CASD1: variants seen among roughly 807,000 people sequenced by gnomAD.
The protein encoded by CASD1 is CAS1 domain sialic acid O acetyltransferase 1, also known as N-acetylneuraminate (7)9-O-acetyltransferase.
CASD1 carries 41 observed loss-of-function variants against 100.0 expected under a neutral mutation model. The ratio of observed to expected loss-of-function variants is 0.41; its 90% CI spans 0.32 to 0.53. CASD1 has a LOEUF of 0.53. Ranked by LOEUF, CASD1 falls within the 20% of genes least tolerant of loss-of-function variation. The pLI, the probability that CASD1 is intolerant of heterozygous loss-of-function variation, is 0.25. For synonymous variants in CASD1, 321 were observed against 315.6 expected, an observed-to-expected ratio of 1.02 and a Z score of -0.18; for missense variants, 774 against 948.7, an observed-to-expected ratio of 0.82 and a Z score of 2.42.
At chr7:94,548,623 A>G (rs1795796303) in intron 13 of CASD1, among the ~76,000 whole-genome samples, 1 of 151,848 alleles carries the variant, frequency 6.6e-6, no homozygotes, top group South Asian at 2.1e-4. Context: ...TTAAAATAAT[A>G]TTATAAAGTT....
intron 5 of CASD1, among the ~76,000 whole-genome samples, chr7:94,528,986 C>T (rs992360111): frequency 1.3e-5 from 2 of 152,022 alleles, no homozygotes; most frequent in Non-Finnish European, 2.9e-5. Flanking sequence ...TTTAGTATTG[C>T]AACCACATCA....
chr7:94,548,226 C>A (rs1795772028), intron 13 of CASD1, among the ~76,000 whole-genome samples: 1 of 151,654 alleles, frequency 6.6e-6, no homozygotes, highest in African/African-American at 2.4e-5. Context: ...GTGTTGACCC[C>A]TGGACAAGAA....
intron 10 of CASD1, among the ~76,000 whole-genome samples, chr7:94,541,536 GGTTTT>G (rs1584417770): frequency 1.1e-4 from 10 of 92,470 alleles, no homozygotes; most frequent in South Asian, 4.0e-4. Context: ...GTGTTCCACT[GGTTTT>G]TTTTTTTTTT....
At chr7:94,596,116 A>G in the CASD1 span, among the ~76,000 whole-genome samples, 1 of 152,150 alleles carries the variant, frequency 6.6e-6, no homozygotes, top group Admixed American at 6.6e-5. Context: ...CAAGTTCAAT[A>G]TAATAGCCTA....
chr7:94,619,248 CA>C, the CASD1 span: 2 of 267,812 alleles, frequency 7.5e-6, no homozygotes, highest in Admixed American at 1.0e-4. Context: ...GCTAAATCTA[CA>C]TTTTAAATTT....
chr7:94,572,390 G>A, the CASD1 span, among the ~76,000 whole-genome samples: 1 of 152,052 alleles, frequency 6.6e-6, no homozygotes, highest in Non-Finnish European at 1.5e-5. Context: ...ACATATAGTT[G>A]GATTATGTTT....
intron 1 of CASD1, among the ~76,000 whole-genome samples, chr7:94,513,624 C>T (rs573256184): frequency 6.6e-6 from 1 of 152,316 alleles, no homozygotes; most frequent in South Asian, 2.1e-4. Flanking sequence ...CTGCCAGCAA[C>T]TTACACATAC....
Position 94,547,164 on chromosome 7 carries a change from G to T in CASD1, c.1702G>T (p.Ala568Ser). Residue 568 changes from alanine (A) to serine (S), a missense_variant, in exon 13 of 18, where the codon GCA becomes TCA. Ala to Ser is a moderately conservative substitution (Grantham distance 99). This residue lies in a region of CASD1 where 453 missense variants were observed against 532.6 expected (regional missense o/e 0.85). Coordinates refer to ENST00000297273, the MANE Select transcript of CASD1 (RefSeq NM_022900.5). ...TTTGCTGTTATTCATATGTTTTTTG[G>T]CATATTCTCAGGTTTGTACAATCTT... ...GFLLLFICFL[A>S]YSQGAFEKIF... 1.9e-6 allele frequency: 3 copies of T among 1,578,254 alleles called. No homozygotes were observed. Among genetic ancestry groups the T allele is most frequent in the Non-Finnish European group, 2.6e-6 (3 of 1,160,338 alleles).
At chr7:94,625,360 CTTT>C in the CASD1 span, 1 of 151,594 alleles carries the variant, frequency 6.6e-6, no homozygotes, top group Non-Finnish European at 1.5e-5. Context: ...GGTAAACTTT[CTTT>C]TTTTTATCTT....
At chr7:94,552,236 T>C (rs1296356218) in intron 15 of CASD1, 114 bp from the exon 16 acceptor site, 2 of 711,548 alleles carry the variant, frequency 2.8e-6, no homozygotes, top group Non-Finnish European at 4.7e-6. Context: ...AGTTTTTACA[T>C]AGCATAATGA....
chr7:94,547,413 C>G (rs1008674808), intron 13 of CASD1, among the ~76,000 whole-genome samples: 3 of 151,768 alleles, frequency 2.0e-5, no homozygotes, highest in Non-Finnish European at 3.0e-5. Context: ...GTTCAAGATC[C>G]GTTTTACTTG....
the CASD1 span, among the ~76,000 whole-genome samples, chr7:94,566,679 A>G: frequency 6.6e-6 from 1 of 152,206 alleles, no homozygotes; most frequent in Non-Finnish European, 1.5e-5. Context: ...AGGCATTCTA[A>G]TGGAAGCTTT....
At chr7:94,590,527 A>C in the CASD1 span, 1 of 152,196 alleles carries the variant, frequency 6.6e-6, no homozygotes, top group African/African-American at 2.4e-5. Flanking sequence ...TTGATACTAA[A>C]ATTAGTTTAT....
chr7:94,570,838 T>C, the CASD1 span, among the ~76,000 whole-genome samples: 4 of 152,160 alleles, frequency 2.6e-5, no homozygotes, highest in African/African-American at 7.2e-5. Flanking sequence ...AGTGGAGATA[T>C]AAAGCAAAAT....
chr7:94,523,025 T>C (rs982952234), intron 3 of CASD1, among the ~76,000 whole-genome samples: 4 of 152,204 alleles, frequency 2.6e-5, no homozygotes, highest in Non-Finnish European at 5.9e-5. Flanking sequence ...AGAATTGGTG[T>C]CATTCTTGCT....
At position 94,532,071 on chromosome 7, in the gene CASD1, A is replaced by G. The variant is rs548080718; in HGVS notation, c.460-1134A>G. ...ATATAACATATAGTTAGCTGCAAAT[A>G]TAATTGTACTGTAATATACTATTGC... On this transcript the variant is annotated intron_variant, in intron 5 of 17. Transcript: ENST00000297273. 5.3e-5 allele frequency among the ~76,000 whole-genome samples: 8 copies of G among 152,278 alleles called. No individual in the cohort carries two copies. In the South Asian group the frequency reaches 1.7e-3, roughly 32 times the overall value.
the CASD1 span, chr7:94,600,574 CT>C: frequency 7.8e-6 from 9 of 1,159,826 alleles, no homozygotes; most frequent in African/African-American, 1.4e-4. Context: ...TGAAACTTTG[CT>C]TTTAATGGAA....
At chr7:94,587,644 C>A in the CASD1 span, 1 of 1,458,040 alleles carries the variant, frequency 6.9e-7, no homozygotes, top group South Asian at 1.5e-5. Context: ...AAAGTAGCAC[C>A]AACACATCAA....
chr7:94,618,694 A>AG, the CASD1 span: 19 of 1,363,560 alleles, frequency 1.4e-5, no homozygotes, highest in Non-Finnish European at 2.0e-5. Flanking sequence ...ATCTATAATA[A>AG]GTTTGATAAG....
Sources: allele counts gnomAD v4.1 joint callset (sites outside exome capture counted in the v4.1 genomes callset), GRCh38; gene constraint gnomAD v4.1.1; regional missense constraint gnomAD v4.1.1; transcripts MANE v1.5; gene names NCBI Gene and HGNC (gene_info 2026-07-23, HGNC 2026-07-21).